TMEM222: variants seen among roughly 807,000 people sequenced by gnomAD.
TMEM222 encodes transmembrane protein 222.
Under a neutral mutation model 25.1 loss-of-function variants are expected in TMEM222, and 18 were observed. The observed-to-expected ratio is 0.72, with a 90% confidence interval of 0.50 to 1.06. TMEM222 has a LOEUF of 1.06. Among genes scored for constraint, TMEM222 ranks in the 50% least tolerant of loss-of-function variants. The pLI, the probability that TMEM222 is intolerant of heterozygous loss-of-function variation, is 0.00. For missense variants in TMEM222, 296 were observed against 293.7 expected (o/e 1.01, Z -0.06); for synonymous variants, 131 against 117.9 (o/e 1.11, Z -0.72).
At chr1:27,331,000 C>A in intron 2 of TMEM222, 196 bp downstream of exon 2, 1 of 1,469,528 alleles carries the variant, frequency 6.8e-7, no homozygotes, top group South Asian at 1.4e-5. Context: ...GCCGGGAGGG[C>A]AGTGTGGCCA....
intron 1 of TMEM222, among the ~76,000 whole-genome samples, chr1:27,323,191 G>A (rs141382903): frequency 2.0e-5 from 3 of 152,332 alleles, no homozygotes; most frequent in Admixed American, 6.5e-5. Flanking sequence ...AAGCTGAGCT[G>A]CTTGTAGCAT....
chr1:27,332,044 T>C (rs2014491570), intron 2 of TMEM222, 26 bp from the exon 3 acceptor site: 1 of 1,612,152 alleles, frequency 6.2e-7, no homozygotes. Flanking sequence ...AGTTCCTCAC[T>C]GACCTCTGCT....
chr1:27,327,677 C>G (rs887142169), intron 1 of TMEM222, among the ~76,000 whole-genome samples: 11 of 152,256 alleles, frequency 7.2e-5, no homozygotes, highest in Admixed American at 1.3e-4. Context: ...GCGTGAGCCA[C>G]TGAGCCCAGC....
At chr1:27,323,318 T>C (rs1055027943) in intron 1 of TMEM222, among the ~76,000 whole-genome samples, 2 of 152,262 alleles carry the variant, frequency 1.3e-5, no homozygotes, top group African/African-American at 4.8e-5. Flanking sequence ...GGATAGCTTG[T>C]TCCGCTATCA....
chr1:27,332,068 A>T lies in TMEM222; in HGVS notation c.280-2A>T, dbSNP rs763603855. On this transcript the variant is annotated splice_acceptor_variant, in intron 2 of 5. Transcript: ENST00000374076. LOFTEE classifies it high-confidence loss of function. ...CTGACCTCTGCTTTTGTCCCTCAAC[A>T]GGAGGACAACATGGCCTTTGGAAAG... is the stretch of plus-strand genomic sequence containing the variant. 22 of 1,614,122 alleles carry T rather than the reference A, an allele frequency of 1.4e-5. No homozygotes were observed. Among genetic ancestry groups the T allele is most frequent in the African/African-American group, 2.7e-5 (2 of 74,942 alleles).
chr1:27,330,394 T>G (rs1027421308), intron 1 of TMEM222, among the ~76,000 whole-genome samples: 4 of 151,310 alleles, frequency 2.6e-5, no homozygotes, highest in South Asian at 2.1e-4. Context: ...GAGACTCCAT[T>G]TGAAAAAAAA....
At chr1:27,334,622 C>A in intron 5 of TMEM222, 1 of 1,440,192 alleles carries the variant, frequency 6.9e-7, no homozygotes, top group South Asian at 1.4e-5. Context: ...CCCTGTGCTC[C>A]GGTAAAGTGA....
At chr1:27,324,870 C>T (rs971074587) in intron 1 of TMEM222, among the ~76,000 whole-genome samples, 11 of 152,156 alleles carry the variant, frequency 7.2e-5, no homozygotes, top group African/African-American at 2.7e-4. Flanking sequence ...AACTCACTAT[C>T]ACGAGAACAG....
Position 27,335,393 on chromosome 1 carries a change from T to G in TMEM222, c.554T>G (p.Val185Gly). 6.2e-7 allele frequency: 1 copy of G among 1,614,232 alleles called. No individual in the cohort carries two copies. The highest frequency in any genetic ancestry group is 8.5e-7 in the Non-Finnish European group (1 of 1,180,030). ...YGKYVSVGAF[V>G]KTWLPFILLL... The stretch of plus-strand genomic sequence containing the variant: ...CTCTCTGTCAGCGTTGGGGCCTTCG[T>G]GAAGACCTGGCTGCCCTTCATCCTT... The change falls in exon 6 of 6, where the codon GTG becomes GGG. Residue 185 changes from valine (V) to glycine (G), a missense_variant. By Grantham distance (109) the Val-to-Gly change is moderately radical. Coordinates refer to ENST00000374076, the MANE Select transcript of TMEM222 (RefSeq NM_032125.3).
At chr1:27,331,980 C>A in intron 2 of TMEM222, 90 bp from the exon 3 acceptor site, 1 of 1,214,448 alleles carries the variant, frequency 8.2e-7, no homozygotes, top group Non-Finnish European at 1.2e-6. Flanking sequence ...ATACCCTCTT[C>A]TAAGTCACTG....
intron 2 of TMEM222, 137 bp downstream of exon 2, chr1:27,330,941 C>T (rs2014464159): frequency 6.5e-7 from 1 of 1,549,324 alleles, no homozygotes; most frequent in Non-Finnish European, 8.7e-7. Context: ...GGCCCTCTGC[C>T]CCTCACCAGT....
chr1:27,331,920 C>T, intron 2 of TMEM222, 150 bp from the exon 3 acceptor site: 1 of 843,630 alleles, frequency 1.2e-6, no homozygotes. Context: ...GATGCCATGC[C>T]AGCCCCAGGG....
At chr1:27,325,619 T>G (rs879028056) in intron 1 of TMEM222, 1 of 892,564 alleles carries the variant, frequency 1.1e-6, no homozygotes, top group Non-Finnish European at 1.9e-6. Flanking sequence ...AGAAGGAGAT[T>G]AACGCCCTGG....
rs753855323 is a variant in TMEM222, at chr1:27,322,249, C to A, written c.52C>A (p.Pro18Thr). 6.7e-7 allele frequency: 1 copy of A among 1,498,158 alleles called. No homozygotes were observed. The highest frequency in any genetic ancestry group is 8.9e-7 in the Non-Finnish European group (1 of 1,119,510). The allele number at this position is 1,498,158 out of a possible 1,614,324, so 92.8% of individuals were successfully genotyped here. ...SLLLLPPPPP[P>T]PRMAEVEAPT... ...GCTCTTGTTGCCGCCGCCGCCACCC[C>A]CGCCCAGGATGGCGGAAGTGGAGGC... is the stretch of plus-strand genomic sequence containing the variant. The change falls in exon 1 of 6, where the codon CCG (proline) becomes ACG (threonine). Residue 18 changes from proline to threonine, a missense_variant. Physicochemically the swap from Pro to Thr is conservative, Grantham distance 38. Transcript: ENST00000374076.
At chr1:27,334,933 T>A in intron 5 of TMEM222, 1 of 591,304 alleles carries the variant, frequency 1.7e-6, no homozygotes, top group South Asian at 3.9e-5. Context: ...GCTGCTTGGC[T>A]CCAGCCACAA....
In TMEM222 at chr1:27,335,499, C is replaced by T. The variant is rs555577228; in HGVS notation, c.*33C>T. The T allele has an allele frequency of 1.2e-5, 19 of 1,602,302 alleles. No homozygotes were observed. The South Asian group carries it at 1.4e-4, about 12-fold the overall frequency. On this transcript the variant is annotated 3_prime_UTR_variant, in exon 6 of 6. Coordinates refer to ENST00000374076, the MANE Select transcript of TMEM222 (RefSeq NM_032125.3). ...TCGGTGGCCCCACACCCACCAGGGT[C>T]CCGAGGAAACAGCCGCCATCCCTTT...
chr1:27,328,860 C>T (rs2014413482), intron 1 of TMEM222, among the ~76,000 whole-genome samples: 1 of 152,194 alleles, frequency 6.6e-6, no homozygotes, highest in African/African-American at 2.4e-5. Flanking sequence ...CACCCCTAGC[C>T]AGGTGCTTTA....
chr1:27,323,172 C>T (rs2014248953), intron 1 of TMEM222, among the ~76,000 whole-genome samples: 1 of 152,224 alleles, frequency 6.6e-6, no homozygotes, highest in Admixed American at 6.5e-5. Context: ...GTTATCTTCT[C>T]AGATGGTGAA....
chr1:27,329,265 A>T (rs1378769782), intron 1 of TMEM222, among the ~76,000 whole-genome samples: 1 of 151,548 alleles, frequency 6.6e-6, no homozygotes, highest in African/African-American at 2.4e-5. Context: ...ACGGTGTGCG[A>T]ATCTCAAGTA....
Sources: allele counts gnomAD v4.1 joint callset (sites outside exome capture counted in the v4.1 genomes callset), GRCh38; gene constraint gnomAD v4.1.1; transcripts MANE v1.5; gene names NCBI Gene and HGNC (gene_info 2026-07-23, HGNC 2026-07-21).